ZNF486: variants seen among roughly 807,000 people sequenced by gnomAD.
ZNF486 encodes the protein zinc finger protein 486, also known as KRAB box only protein 2.
In ZNF486, 12 loss-of-function variants were observed where a neutral mutation model predicts 12.8. That is an observed-to-expected ratio of 0.94 (90% CI 0.60 to 1.52). The LOEUF (loss-of-function observed/expected upper bound fraction) is 1.52, where lower values mean the gene tolerates loss of function less well. Among genes scored for constraint, ZNF486 ranks in the 40% most tolerant of loss-of-function variants. The pLI, the probability that ZNF486 is intolerant of heterozygous loss-of-function variation, is 0.00. For missense variants in ZNF486, 738 were observed against 545.0 expected, an observed-to-expected ratio of 1.35 and a Z score of -3.53; for synonymous variants, 231 against 184.9, an observed-to-expected ratio of 1.25 and a Z score of -2.02.
chr19:20,198,694 G>A lies in ZNF486; in HGVS notation c.*592G>A, dbSNP rs1555718494. ...CCACCACCATTCCCAGCTAATTTTTGTATTTTTAGTAGAGATGGGCTTTTG... is the reference window on the plus strand; with the variant it reads ...CCACCACCATTCCCAGCTAATTTTTATATTTTTAGTAGAGATGGGCTTTTG... On this transcript the variant is annotated 3_prime_UTR_variant, in exon 4 of 4. Coordinates refer to ENST00000335117, the MANE Select transcript of ZNF486 (RefSeq NM_052852.4). 1 of 153,478 alleles carries A rather than the reference G, an allele frequency of 6.5e-6. No homozygotes were observed. Among genetic ancestry groups the A allele is most frequent in the Non-Finnish European group, 1.4e-5 (1 of 69,144 alleles). 9.5% of individuals were successfully genotyped at this position (153,478 alleles called of 1,614,324 possible). A position where few individuals can be genotyped will look rare whatever the true frequency, so the allele number is the denominator to read the frequency against.
chr19:20,189,561 T>A (rs1555716923), intron 3 of ZNF486, among the ~76,000 whole-genome samples: 1 of 152,218 alleles, frequency 6.6e-6, no homozygotes, highest in Admixed American at 6.5e-5. Flanking sequence ...TTGTTTGTCA[T>A]TGTGTTTTTT....
intron 3 of ZNF486, among the ~76,000 whole-genome samples, chr19:20,195,971 C>T (rs2089954468): frequency 6.6e-6 from 1 of 152,092 alleles, no homozygotes. Flanking sequence ...GATGTATGTG[C>T]CAATGTTTCT....
At chr19:20,181,478 G>T (rs532446509) in intron 1 of ZNF486, among the ~76,000 whole-genome samples, 1 of 151,514 alleles carries the variant, frequency 6.6e-6, no homozygotes, top group East Asian at 1.9e-4. Flanking sequence ...GGCGGAGCTT[G>T]CAGTGAGCCC....
chr19:20,189,983 C>A (rs974525172), intron 3 of ZNF486, among the ~76,000 whole-genome samples: 1 of 152,012 alleles, frequency 6.6e-6, no homozygotes, highest in East Asian at 1.9e-4. Flanking sequence ...ATTTTTGTAT[C>A]GTTCAAGGAA....
chr19:20,179,991 A>C (rs1555715318), intron 1 of ZNF486, among the ~76,000 whole-genome samples: 1 of 152,196 alleles, frequency 6.6e-6, no homozygotes, highest in Non-Finnish European at 1.5e-5. Context: ...ATCAGGACAG[A>C]TGATGTAGGT....
chr19:20,194,959 C>G (rs2089943544), intron 3 of ZNF486, among the ~76,000 whole-genome samples: 1 of 151,260 alleles, frequency 6.6e-6, no homozygotes, highest in Non-Finnish European at 1.5e-5. Flanking sequence ...TTTTTATATC[C>G]ACGATTTTCG....
chr19:20,178,103 A>T (rs200915747), intron 1 of ZNF486, among the ~76,000 whole-genome samples: 52 of 84,718 alleles, frequency 6.1e-4, no homozygotes, highest in Middle Eastern at 9.6e-3. Context: ...TTTTTTTTGT[A>T]TTTTTAGTAG....
Position 20,197,430 on chromosome 19 carries a change from TGAA to T in ZNF486, c.724_726del (p.Glu242del). On this transcript the variant is annotated inframe_deletion, in exon 4 of 4. Transcript: ENST00000335117. Reference sequence around the variant, plus strand: ...ATACTAGAGAGAAACCCTACAAATGTGAAGAATGTGGCAAAGTCTTTAAGTACT... The same window carrying T: ...ATACTAGAGAGAAACCCTACAAATGTGAATGTGGCAAAGTCTTTAAGTACT... The T allele has an allele frequency of 6.2e-7, 1 of 1,613,686 alleles. No homozygotes were observed. Among genetic ancestry groups the T allele is most frequent in the Non-Finnish European group, 8.5e-7 (1 of 1,179,844 alleles).
chr19:20,182,934 C>A (rs918154470), intron 1 of ZNF486, among the ~76,000 whole-genome samples: 11 of 152,070 alleles, frequency 7.2e-5, no homozygotes, highest in African/African-American at 2.7e-4. Context: ...TTAAGGTAAA[C>A]GTGTCTCAGA....
intron 3 of ZNF486, among the ~76,000 whole-genome samples, chr19:20,189,129 C>T (rs2089878341): frequency 6.6e-6 from 1 of 152,106 alleles, no homozygotes; most frequent in African/African-American, 2.4e-5. Flanking sequence ...GGCTGAAGTG[C>T]AGTGGTGTGA....
chr19:20,190,368 T>C (rs1303297066), intron 3 of ZNF486, among the ~76,000 whole-genome samples: 1 of 152,230 alleles, frequency 6.6e-6, no homozygotes, highest in Non-Finnish European at 1.5e-5. Context: ...ACACAATGTA[T>C]AATTTTAGTG....
In ZNF486 at chr19:20,167,365, G is replaced by C. The variant is rs1436511862; in HGVS notation, c.30+5G>C. 1.2e-6 allele frequency: 2 copies of C among 1,613,632 alleles called. No homozygotes were observed. Among genetic ancestry groups the C allele is most frequent in the Non-Finnish European group, 8.5e-7 (1 of 1,179,668 alleles). On this transcript the variant is annotated splice_donor_5th_base_variant and intron_variant, in intron 1 of 3. Transcript: ENST00000335117. ...CCCCTTAGAAGCCTAGAAATGGTGA[G>C]AGTGCCCATTGGACATCCTGAGAGA...
intron 1 of ZNF486, among the ~76,000 whole-genome samples, chr19:20,181,260 C>T (rs529864313): frequency 2.6e-5 from 4 of 152,146 alleles, no homozygotes; most frequent in African/African-American, 9.7e-5. Flanking sequence ...GAAAAATAGT[C>T]CGGGCGCGGT....
intron 3 of ZNF486, among the ~76,000 whole-genome samples, chr19:20,194,294 T>G (rs781848546): frequency 2.0e-5 from 3 of 152,214 alleles, no homozygotes; most frequent in Admixed American, 6.5e-5. Context: ...TTCTCAGGAT[T>G]TGGTTATTTT....
At chr19:20,185,643 T>A (rs2089834473) in intron 2 of ZNF486, among the ~76,000 whole-genome samples, 1 of 151,808 alleles carries the variant, frequency 6.6e-6, no homozygotes, top group Non-Finnish European at 1.5e-5. Context: ...CTCCTGACCT[T>A]GTGATCCACC....
At chr19:20,192,757 T>TCAACCAGC (rs1555717358) in intron 3 of ZNF486, among the ~76,000 whole-genome samples, 1 of 152,158 alleles carries the variant, frequency 6.6e-6, no homozygotes, top group Non-Finnish European at 1.5e-5. Flanking sequence ...GCCATCTATG[T>TCAACCAGC]TTTTTGTATT....
intron 1 of ZNF486, among the ~76,000 whole-genome samples, chr19:20,170,045 C>T (rs1228307019): frequency 1.2e-4 from 18 of 151,698 alleles, no homozygotes; most frequent in Admixed American, 8.5e-4. Context: ...CGCCCGCCAC[C>T]ACGCCCGGCT....
At chr19:20,177,400 AATTAGCATACACAG>A (rs1229837014) in intron 1 of ZNF486, among the ~76,000 whole-genome samples, 2 of 152,262 alleles carry the variant, frequency 1.3e-5, no homozygotes, top group Non-Finnish European at 2.9e-5. Flanking sequence ...GAATATAAGC[AATTAGCATACACAG>A]ATGGCCTCTT....
At chr19:20,192,932 TA>T (rs1555717379) in intron 3 of ZNF486, among the ~76,000 whole-genome samples, 1 of 152,210 alleles carries the variant, frequency 6.6e-6, no homozygotes, top group Non-Finnish European at 1.5e-5. Context: ...AAGTTGTCAT[TA>T]GCAGTTAGAT....
Sources: gnomAD v4.1 joint callset for allele counts (sites outside exome capture counted in the v4.1 genomes callset) on GRCh38, gnomAD v4.1.1 for gene constraint, MANE v1.5 for transcripts, NCBI Gene and HGNC (gene_info 2026-07-23, HGNC 2026-07-21) for gene names.